AOX1: variants seen among roughly 807,000 people sequenced by gnomAD.
The protein encoded by AOX1 is aldehyde oxidase.
AOX1 carries 153 observed loss-of-function variants against 169.5 expected under a neutral mutation model. That is an observed-to-expected ratio of 0.90 (90% confidence interval 0.79 to 1.03). AOX1 has a LOEUF of 1.03. Among genes scored for constraint, AOX1 ranks in the 50% least tolerant of loss-of-function variants. AOX1 has a pLI of 0.00. For missense variants in AOX1, 1,656 were observed against 1,663.9 expected (o/e 1.00, Z 0.08); for synonymous variants, 562 against 581.9 (o/e 0.97, Z 0.49).
Position 200,611,480 on chromosome 2 carries a change from C to G in AOX1, c.1250C>G (p.Pro417Arg). Residue 417 changes from proline to arginine, a missense_variant, in exon 13 of 35, where the codon CCC becomes CGC. Physicochemically the swap from Pro to Arg is moderately radical, Grantham distance 103 (BLOSUM62 -2). Transcript: ENST00000374700. ...PQEILVSVNI[P>R]YSRKWEFVSA... ...GAAATCTTGGTCTCAGTGAACATCC[C>G]CTACTCAAGGAAGGTGAGAACATCC... 2 of 1,609,912 alleles carry G rather than the reference C, an allele frequency of 1.2e-6. No individual in the cohort carries two copies. The highest frequency in any genetic ancestry group is 1.7e-6 in the Non-Finnish European group (2 of 1,176,280).
At chr2:200,660,528 G>C (rs533552488) in intron 29 of AOX1, among the ~76,000 whole-genome samples, 1 of 152,270 alleles carries the variant, frequency 6.6e-6, no homozygotes, top group East Asian at 1.9e-4. Flanking sequence ...CCAGTAATAG[G>C]TACTCAATGG....
chr2:200,652,699 A>G (rs2035603907), intron 26 of AOX1, among the ~76,000 whole-genome samples: 1 of 152,166 alleles, frequency 6.6e-6, no homozygotes. Flanking sequence ...GGCTGCCATT[A>G]CTTTATATCT....
Position 200,668,703 on chromosome 2 carries a change from C to G in AOX1, c.3698C>G (p.Pro1233Arg). Residue 1233 changes from proline to arginine, a missense_variant, in exon 33 of 35, where the codon CCA (proline) becomes CGA (arginine). Physicochemically the swap from Pro to Arg is moderately radical, Grantham distance 103. Transcript: ENST00000374700. ...CAGGGCATTCTGCACACTCGTGGTCCAGACCAATATAAAATCCCTGCCATC... is the reference window on the plus strand; with the variant it reads ...CAGGGCATTCTGCACACTCGTGGTCGAGACCAATATAAAATCCCTGCCATC... ...SPQGILHTRG[P>R]DQYKIPAICD... The G allele has an allele frequency of 1.2e-6, 2 of 1,614,152 alleles. No homozygotes were observed. Among genetic ancestry groups the G allele is most frequent in the Non-Finnish European group, 1.7e-6 (2 of 1,180,024 alleles).
At chr2:200,651,903 C>T (rs972734482) in intron 26 of AOX1, among the ~76,000 whole-genome samples, 1 of 152,148 alleles carries the variant, frequency 6.6e-6, no homozygotes, top group African/African-American at 2.4e-5. Flanking sequence ...CATTCTAGCT[C>T]ATTGTATGGC....
intron 30 of AOX1, among the ~76,000 whole-genome samples, chr2:200,662,196 T>C (rs1203795031): frequency 6.6e-6 from 1 of 152,200 alleles, no homozygotes; most frequent in Non-Finnish European, 1.5e-5. Context: ...CACTTTGCCA[T>C]TGGTGCGGGA....
intron 19 of AOX1, among the ~76,000 whole-genome samples, chr2:200,625,440 C>T (rs1438112652): frequency 2.0e-5 from 3 of 152,178 alleles, no homozygotes; most frequent in African/African-American, 7.2e-5. Context: ...CCACCCTCAC[C>T]ACTTCAACCA....
intron 26 of AOX1, among the ~76,000 whole-genome samples, chr2:200,653,634 C>T (rs1000583256): frequency 1.3e-5 from 2 of 152,236 alleles, no homozygotes; most frequent in Non-Finnish European, 2.9e-5. Context: ...AGTCCCTGCC[C>T]AGCAGCTGAG....
chr2:200,662,731 C>G (rs2035851460), intron 30 of AOX1, 124 bp from the exon 31 acceptor site: 1 of 703,822 alleles, frequency 1.4e-6, no homozygotes, highest in Non-Finnish European at 2.6e-6. Flanking sequence ...ACATTAGGTG[C>G]TGGCACATAC....
intron 25 of AOX1, among the ~76,000 whole-genome samples, chr2:200,644,530 C>T (rs1390885607): frequency 3.9e-5 from 6 of 152,152 alleles, no homozygotes; most frequent in South Asian, 2.1e-4. Flanking sequence ...TTTGGCTATG[C>T]GGGCTCTTTT....
At chr2:200,657,832 C>A (rs1242030868) in intron 27 of AOX1, among the ~76,000 whole-genome samples, 1 of 152,134 alleles carries the variant, frequency 6.6e-6, no homozygotes, top group East Asian at 1.9e-4. Flanking sequence ...AACAAAGACC[C>A]TACACAGTTT....
In AOX1 at chr2:200,621,855, C is replaced by A. The variant is rs948297080; in HGVS notation, c.2001+609C>A. ...GCAACATCCACCTCCTGGGTTCAAG[C>A]GATTCTCCTGCCTCAGCTTCCTGAG... is the stretch of plus-strand genomic sequence containing the variant. On this transcript the variant is annotated intron_variant, in intron 18 of 34. Coordinates refer to ENST00000374700, the MANE Select transcript of AOX1 (RefSeq NM_001159.4). 2.0e-5 allele frequency among the ~76,000 whole-genome samples: 3 copies of A among 152,208 alleles called. No individual in the cohort carries two copies. In the Middle Eastern group the frequency reaches 0.01, roughly 518 times the overall value.
At chr2:200,672,300 T>C (rs1421842441), downstream of AOX1, among the ~76,000 whole-genome samples, 2 of 152,248 alleles carry the variant, frequency 1.3e-5, no homozygotes, top group Non-Finnish European at 2.9e-5. Context: ...TACCTCAATT[T>C]TTAAAAAAGT....
At chr2:200,634,270 C>CA (rs1219543872) in intron 20 of AOX1, among the ~76,000 whole-genome samples, 4 of 138,474 alleles carry the variant, frequency 2.9e-5, no homozygotes, top group Admixed American at 1.6e-4. Context: ...ACAACAACAA[C>CA]AAAAAAACCC....
intron 20 of AOX1, among the ~76,000 whole-genome samples, chr2:200,632,442 T>G (rs1256669693): frequency 6.6e-6 from 1 of 151,856 alleles, no homozygotes; most frequent in Non-Finnish European, 1.5e-5. Flanking sequence ...CCTCTCCCTT[T>G]TTATAATATA....
chr2:200,634,782 C>G lies in AOX1; in HGVS notation c.2222-9C>G. 6.2e-7 allele frequency: 1 copy of G among 1,613,584 alleles called. No homozygotes were observed. Among genetic ancestry groups the G allele is most frequent in the East Asian group, 2.2e-5 (1 of 44,828 alleles). ...GCTTCCTTGACTTTTATGTATTTTC[C>G]TGTAACAGGTGAAATACATATGGGA... is the stretch of plus-strand genomic sequence containing the variant. On this transcript the variant is annotated splice_polypyrimidine_tract_variant and intron_variant, in intron 20 of 34. Transcript: ENST00000374700.
intron 20 of AOX1, among the ~76,000 whole-genome samples, chr2:200,633,029 T>C (rs1376152221): frequency 6.6e-6 from 1 of 152,080 alleles, no homozygotes; most frequent in African/African-American, 2.4e-5. Context: ...CCTGAGTAGC[T>C]GGGATTACAG....
chr2:200,627,914 C>T (rs2035039787), intron 20 of AOX1, among the ~76,000 whole-genome samples: 1 of 152,170 alleles, frequency 6.6e-6, no homozygotes, highest in Non-Finnish European at 1.5e-5. Flanking sequence ...CTTTCTCTCT[C>T]TGATTCTCCC....
At chr2:200,649,710 T>A (rs2035540830) in intron 25 of AOX1, among the ~76,000 whole-genome samples, 1 of 152,170 alleles carries the variant, frequency 6.6e-6, no homozygotes, top group Non-Finnish European at 1.5e-5. Context: ...TCCTCCCAGA[T>A]CCTGGAATGG....
chr2:200,664,586 C>T (rs2035892806), intron 31 of AOX1, among the ~76,000 whole-genome samples: 1 of 152,194 alleles, frequency 6.6e-6, no homozygotes, highest in South Asian at 2.1e-4. Context: ...GTTCCTATAA[C>T]TTATTTGAAT....
Sources: allele counts gnomAD v4.1 joint callset (sites outside exome capture counted in the v4.1 genomes callset), GRCh38; gene constraint gnomAD v4.1.1; transcripts MANE v1.5; gene names NCBI Gene and HGNC (gene_info 2026-07-23, HGNC 2026-07-21).